The following NBPF9 variants were observed in gnomAD, a reference collection of about 807,000 sequenced individuals.
NBPF9 encodes NBPF family member NBPF9.
NBPF9 carries 91 observed loss-of-function variants against 97.8 expected under a neutral mutation model. That is an observed-to-expected ratio of 0.93 (90% confidence interval 0.79 to 1.11). The LOEUF is 1.11. Ranked by LOEUF, NBPF9 falls within the 50% of genes least tolerant of loss-of-function variation. NBPF9 has a pLI of 0.00. For missense variants in NBPF9, 992 were observed against 939.5 expected, an observed-to-expected ratio of 1.06 and a Z score of -0.73; for synonymous variants, 334 against 359.5, an observed-to-expected ratio of 0.93 and a Z score of 0.80.
At position 149,059,826 on chromosome 1, in the gene NBPF9, A is replaced by C; in HGVS notation, c.2477-18T>G. ...TTCAATTTCTGCAATAAATTCAGACATGGACAGACACATTAAGCTGATTCC... is the reference window on the plus strand; with the variant it reads ...TTCAATTTCTGCAATAAATTCAGACCTGGACAGACACATTAAGCTGATTCC... On this transcript the variant is annotated intron_variant, in intron 24 of 29. Transcript: ENST00000584027. 1.9e-6 allele frequency: 1 copy of C among 531,708 alleles called. No homozygotes were observed. Among genetic ancestry groups the C allele is most frequent in the East Asian group, 2.6e-5 (1 of 37,762 alleles). The allele number at this position is 531,708 out of a possible 1,614,324, so 32.9% of individuals were successfully genotyped here. A position where few individuals can be genotyped will look rare whatever the true frequency, so the allele number is the denominator to read the frequency against.
intron 15 of NBPF9, among the ~76,000 whole-genome samples, chr1:149,071,346 G>A (rs1463545077): frequency 2.0e-5 from 3 of 151,524 alleles, no homozygotes; most frequent in Non-Finnish European, 4.4e-5. Context: ...GAGAGCAGCT[G>A]CTGTTCATTG....
In NBPF9 at chr1:149,073,017, T is replaced by C. The variant is rs2079545894; in HGVS notation, c.1092-85A>G. 25 of 1,485,460 alleles carry C rather than the reference T, an allele frequency of 1.7e-5. No homozygotes were observed. In the South Asian group the frequency reaches 2.4e-4, roughly 14 times the overall value. The allele number at this position is 1,485,460 out of a possible 1,614,324, so 92.0% of individuals were successfully genotyped here. A position where few individuals can be genotyped will look rare whatever the true frequency, so the allele number is the denominator to read the frequency against. On this transcript the variant is annotated intron_variant, in intron 13 of 29. Coordinates refer to ENST00000584027, the Ensembl canonical transcript of NBPF9. ...ATTGCAACAGAGATTTCTGAAACAG[T>C]GTCCTCAAGGAGACCTCGAAGCAGA...
chr1:149,069,306 C>A (rs1414040144), intron 17 of NBPF9, among the ~76,000 whole-genome samples: 2 of 151,686 alleles, frequency 1.3e-5, no homozygotes, highest in African/African-American at 2.4e-5. Context: ...ACGCAAAAAA[C>A]CCTTCAAAAA....
intron 1 of NBPF9, 105 bp downstream of exon 1, chr1:149,103,196 C>T (rs1313590049): frequency 6.6e-6 from 1 of 150,774 alleles, no homozygotes; most frequent in Admixed American, 6.6e-5. Flanking sequence ...CCCCGCCTCG[C>T]CCTCCGTCGC....
In NBPF9 at chr1:149,072,945, G is replaced by A. The variant is rs1331022171; in HGVS notation, c.1092-13C>T. 13 of 1,606,222 alleles carry A rather than the reference G, an allele frequency of 8.1e-6. No individual in the cohort carries two copies. The highest frequency in any genetic ancestry group is 1.1e-5 in the Non-Finnish European group (13 of 1,175,178). ...GACTTTATATTGCCTAAGGTGAGAT[G>A]GTAGAGAAAAATTAAGAGTGGAAAG... On this transcript the variant is annotated splice_polypyrimidine_tract_variant and intron_variant, in intron 13 of 29. Coordinates refer to ENST00000584027, the Ensembl canonical transcript of NBPF9.
chr1:149,059,112 A>T lies in NBPF9; in HGVS notation c.2586-15T>A. On this transcript the variant is annotated splice_polypyrimidine_tract_variant and intron_variant, in intron 25 of 29. Transcript: ENST00000584027. ...CCCTGCTGAGCCTGGAAAAGTAGGAAAAAGTAAAGAATAAGCCAGGGGGAA... is the reference window on the plus strand; with the variant it reads ...CCCTGCTGAGCCTGGAAAAGTAGGATAAAGTAAAGAATAAGCCAGGGGGAA... The T allele has an allele frequency of 2.4e-6, 1 of 422,058 alleles. No individual in the cohort carries two copies. The highest frequency in any genetic ancestry group is 4.3e-6 in the Non-Finnish European group (1 of 234,468). The allele number at this position is 422,058 out of a possible 1,614,324, so 26.1% of individuals were successfully genotyped here.
intron 4 of NBPF9, among the ~76,000 whole-genome samples, chr1:149,093,010 C>T (rs1314300183): frequency 7.3e-5 from 11 of 151,536 alleles, no homozygotes; most frequent in South Asian, 2.1e-4. Flanking sequence ...GTTCAGCATA[C>T]AGAGGACCCA....
chr1:149,073,559 A>G (rs1553653500), intron 13 of NBPF9, among the ~76,000 whole-genome samples: 1 of 148,826 alleles, frequency 6.7e-6, no homozygotes, highest in Non-Finnish European at 1.5e-5. Context: ...TTTGAAAAAG[A>G]GAAAACAAGG....
chr1:149,067,337 T>C (rs1246530286), intron 17 of NBPF9, among the ~76,000 whole-genome samples: 1 of 125,292 alleles, frequency 8.0e-6, no homozygotes, highest in Non-Finnish European at 1.7e-5. Context: ...ATACTTTAAG[T>C]CTTAGGGTAC....
At chr1:149,080,807 C>T (rs1330790994) in intron 7 of NBPF9, among the ~76,000 whole-genome samples, 23 of 141,440 alleles carry the variant, frequency 1.6e-4, no homozygotes, top group Non-Finnish European at 2.9e-4. Flanking sequence ...ATAGTGTTTA[C>T]ACTGTGCCAA....
chr1:149,088,528 T>C (rs2081192843), intron 5 of NBPF9, among the ~76,000 whole-genome samples: 1 of 152,212 alleles, frequency 6.6e-6, no homozygotes, highest in Admixed American at 6.5e-5. Context: ...ATGTTACCTG[T>C]GGGTTCTTCA....
chr1:149,100,108 C>T lies in NBPF9; in HGVS notation c.-606+1154G>A, dbSNP rs1449863106. Among the ~76,000 whole-genome samples the T allele has an allele frequency of 2.8e-5, 4 of 140,602 alleles. No individual in the cohort carries two copies. The East Asian group carries it at 9.1e-4, about 32-fold the overall frequency. 92.2% of individuals were successfully genotyped at this position (140,602 alleles called of 152,430 possible). ...ATTTAGGTACGATCCATAAAGTTTT[C>T]CTGGTAATTAAGTATACCTAAGAAC... On this transcript the variant is annotated intron_variant, in intron 3 of 29. Coordinates refer to ENST00000584027, the Ensembl canonical transcript of NBPF9.
At chr1:149,053,862 C>G (rs1175731869), downstream of NBPF9, among the ~76,000 whole-genome samples, 1 of 146,322 alleles carries the variant, frequency 6.8e-6, no homozygotes, top group Non-Finnish European at 1.5e-5. Flanking sequence ...GCTATACAAC[C>G]CTTCCTAAAT....
chr1:149,062,400 T>C (rs2078676466), intron 21 of NBPF9, 135 bp from the exon 22 acceptor site: 3 of 674,644 alleles, frequency 4.4e-6, no homozygotes, highest in South Asian at 3.1e-5. Context: ...TAATGAATTA[T>C]TGCCTTTAGG....
chr1:149,095,196 G>C (rs1327321367), intron 4 of NBPF9, among the ~76,000 whole-genome samples: 1 of 150,280 alleles, frequency 6.7e-6, no homozygotes, highest in Non-Finnish European at 1.5e-5. Flanking sequence ...TTCCATGGAG[G>C]TTTAGAGACA....
chr1:149,081,007 C>T (rs1553656595), intron 7 of NBPF9, among the ~76,000 whole-genome samples: 1 of 151,830 alleles, frequency 6.6e-6, no homozygotes, highest in Non-Finnish European at 1.5e-5. Flanking sequence ...TGCTTCCACA[C>T]ATTCTCGGGT....
At chr1:149,070,320 CAAAAAAAAAAAA>C (rs3979925) in intron 16 of NBPF9, among the ~76,000 whole-genome samples, 2 of 47,814 alleles carry the variant, frequency 4.2e-5, no homozygotes, top group Non-Finnish European at 7.1e-5. Flanking sequence ...GACTCCATCG[CAAAAAAAAAAAA>C]AAAAAAAAAA....
chr1:149,075,246 C>T (rs377489749), intron 12 of NBPF9, among the ~76,000 whole-genome samples: 2 of 152,040 alleles, frequency 1.3e-5, no homozygotes, highest in Non-Finnish European at 2.9e-5. Flanking sequence ...CAGAGCTTTG[C>T]CTGTTGGGCC....
At chr1:149,075,360 T>C (rs1228215309) in intron 12 of NBPF9, among the ~76,000 whole-genome samples, 1 of 152,240 alleles carries the variant, frequency 6.6e-6, no homozygotes, top group African/African-American at 2.4e-5. Context: ...GAGAGGATTC[T>C]TGAAAACACG....
Sources: gnomAD v4.1 joint callset for allele counts (sites outside exome capture counted in the v4.1 genomes callset) on GRCh38, gnomAD v4.1.1 for gene constraint, MANE v1.5 for transcripts, NCBI Gene and HGNC (gene_info 2026-07-23, HGNC 2026-07-21) for gene names.